The following EXOC6B variants were observed in gnomAD, a reference collection of about 807,000 sequenced individuals.
EXOC6B encodes exocyst complex component 6B, also known as SEC15 homolog B.
EXOC6B carries 54 observed loss-of-function variants against 113.5 expected under a neutral mutation model. That is an observed-to-expected ratio of 0.48 (90% confidence interval 0.38 to 0.60). The LOEUF is 0.60. Among genes scored for constraint, EXOC6B ranks in the 20% least tolerant of loss-of-function variants. The pLI, the probability that EXOC6B is intolerant of heterozygous loss-of-function variation, is 0.00. For synonymous variants in EXOC6B, 357 were observed against 339.0 expected, an observed-to-expected ratio of 1.05 and a Z score of -0.58; for missense variants, 797 against 977.5, an observed-to-expected ratio of 0.82 and a Z score of 2.46.
At chr2:72,417,910 T>C (rs551801097) in intron 18 of EXOC6B, among the ~76,000 whole-genome samples, 5 of 152,282 alleles carry the variant, frequency 3.3e-5, no homozygotes, top group African/African-American at 1.2e-4. Flanking sequence ...GTAGCATCTC[T>C]TATAAAACAC....
intron 6 of EXOC6B, among the ~76,000 whole-genome samples, chr2:72,681,369 T>C (rs923204601): frequency 1.3e-5 from 2 of 152,172 alleles, no homozygotes; most frequent in African/African-American, 2.4e-5. Flanking sequence ...GCCTCCAATA[T>C]GGTATCATAC....
chr2:72,539,759 C>T (rs778989288), intron 8 of EXOC6B, among the ~76,000 whole-genome samples: 123 of 151,100 alleles, frequency 8.1e-4, no homozygotes, highest in Non-Finnish European at 9.4e-4. Flanking sequence ...TGCGCGCGCG[C>T]GCGCGTGTGT....
chr2:72,782,875 G>A (rs946189911), intron 1 of EXOC6B, among the ~76,000 whole-genome samples: 1 of 152,144 alleles, frequency 6.6e-6, no homozygotes, highest in Non-Finnish European at 1.5e-5. Context: ...TTCTGCAGCC[G>A]AACAGTATTC....
intron 8 of EXOC6B, among the ~76,000 whole-genome samples, chr2:72,542,543 T>C (rs955940143): frequency 6.6e-6 from 1 of 152,228 alleles, no homozygotes; most frequent in Non-Finnish European, 1.5e-5. Flanking sequence ...AATAAATCAA[T>C]TCTATTCATT....
rs145632123 is a variant in EXOC6B at position 72,600,663 on chromosome 2, T to C, written c.670-24995A>G. ...AGCCGGAAAGCCTCATGCAATAAAA[T>C]GAATGTAGACACAGACCCTAACATG... On this transcript the variant is annotated intron_variant, in intron 6 of 21. Transcript: ENST00000272427. Among the ~76,000 whole-genome samples the C allele has an allele frequency of 5.3e-5, 8 of 152,140 alleles. No homozygotes were observed. In the East Asian group the frequency reaches 1.2e-3, roughly 22 times the overall value.
Position 72,381,614 on chromosome 2 carries a change from G to A in EXOC6B, c.1981-1744C>T, listed in dbSNP as rs568388543. On this transcript the variant is annotated intron_variant, in intron 18 of 21. Coordinates refer to ENST00000272427, the MANE Select transcript of EXOC6B (RefSeq NM_015189.3). ...TTATGTACTTTGGATAATTTCTTTG[G>A]AATTACTTTTTGAAGCTACTAGGAT... Among the ~76,000 whole-genome samples the A allele has an allele frequency of 5.3e-5, 8 of 151,960 alleles. No individual in the cohort carries two copies. In the South Asian group the frequency reaches 1.7e-3, roughly 32 times the overall value.
At chr2:72,569,231 A>ATTAAG (rs1441655925) in intron 7 of EXOC6B, among the ~76,000 whole-genome samples, 2 of 152,152 alleles carry the variant, frequency 1.3e-5, no homozygotes, top group Non-Finnish European at 2.9e-5. Context: ...GGGTATTGGG[A>ATTAAG]TTAAGTGATG....
intron 11 of EXOC6B, among the ~76,000 whole-genome samples, chr2:72,502,926 A>C (rs1700401715): frequency 6.6e-6 from 1 of 152,094 alleles, no homozygotes; most frequent in South Asian, 2.1e-4. Context: ...ATTTGACTTT[A>C]TCTTCTTGAT....
chr2:72,286,718 G>A (rs964325503), intron 20 of EXOC6B, among the ~76,000 whole-genome samples: 7 of 152,100 alleles, frequency 4.6e-5, no homozygotes, highest in Admixed American at 3.9e-4. Context: ...TACGAATAAT[G>A]AGGGAGGCTA....
chr2:72,327,235 T>C (rs1364700463), intron 20 of EXOC6B, among the ~76,000 whole-genome samples: 1 of 152,032 alleles, frequency 6.6e-6, no homozygotes, highest in African/African-American at 2.4e-5. Flanking sequence ...GTTTGGGGCT[T>C]ACATTGCTAC....
chr2:72,411,621 T>C (rs1558642898), intron 18 of EXOC6B, among the ~76,000 whole-genome samples: 1 of 152,334 alleles, frequency 6.6e-6, no homozygotes, highest in Non-Finnish European at 1.5e-5. Context: ...AGTGTGGGTT[T>C]GCTGCCAGCA....
chr2:72,691,374 A>G (rs1168361103), intron 6 of EXOC6B, among the ~76,000 whole-genome samples: 1 of 152,168 alleles, frequency 6.6e-6, no homozygotes, highest in East Asian at 1.9e-4. Context: ...CCTAGTTTGT[A>G]GTACTTTGTT....
chr2:72,280,310 A>G (rs1163426146), intron 20 of EXOC6B, among the ~76,000 whole-genome samples: 1 of 152,050 alleles, frequency 6.6e-6, no homozygotes, highest in East Asian at 1.9e-4. Context: ...ACATTAACTC[A>G]CTACTTTTTC....
At chr2:72,387,024 T>C (rs1005153303) in intron 18 of EXOC6B, among the ~76,000 whole-genome samples, 6 of 152,186 alleles carry the variant, frequency 3.9e-5, no homozygotes, top group African/African-American at 7.2e-5. Context: ...AGATTTCTTA[T>C]AGATATCCTT....
intron 20 of EXOC6B, among the ~76,000 whole-genome samples, chr2:72,321,567 T>C (rs956183189): frequency 6.8e-6 from 1 of 147,484 alleles, no homozygotes; most frequent in African/African-American, 2.5e-5. Flanking sequence ...AGTACTAACA[T>C]ATGCAAAAAC....
chr2:72,465,099 A>G (rs1264223743), intron 18 of EXOC6B, 61 bp downstream of exon 18: 1 of 1,434,716 alleles, frequency 7.0e-7, no homozygotes, highest in African/African-American at 1.4e-5. Context: ...ATCTTTCACC[A>G]AACTAAATTA....
At chr2:72,665,627 C>A (rs1675333812) in intron 6 of EXOC6B, among the ~76,000 whole-genome samples, 2 of 152,086 alleles carry the variant, frequency 1.3e-5, no homozygotes, top group African/African-American at 2.4e-5. Context: ...AAGTAAAATC[C>A]TTTTCAGACA....
intron 6 of EXOC6B, among the ~76,000 whole-genome samples, chr2:72,621,710 C>A (rs541249921): frequency 1.3e-5 from 2 of 152,256 alleles, no homozygotes; most frequent in South Asian, 4.1e-4. Context: ...AATGTTTACA[C>A]TTCAAAATGA....
chr2:72,795,128 T>C (rs936957219), intron 1 of EXOC6B, among the ~76,000 whole-genome samples: 4 of 152,056 alleles, frequency 2.6e-5, no homozygotes, highest in Admixed American at 6.5e-5. Context: ...GGGCTAGAAA[T>C]AGAGATTACT....
Sources: allele counts gnomAD v4.1 joint callset (sites outside exome capture counted in the v4.1 genomes callset), GRCh38; gene constraint gnomAD v4.1.1; transcripts MANE v1.5; gene names NCBI Gene and HGNC (gene_info 2026-07-23, HGNC 2026-07-21).